STRN3: variants seen among roughly 807,000 people sequenced by gnomAD.
STRN3 encodes the protein striatin 3.
Under a neutral mutation model 95.6 loss-of-function variants are expected in STRN3, and 29 were observed. The ratio of observed to expected loss-of-function variants is 0.30; its 90% confidence interval spans 0.23 to 0.41. The LOEUF is 0.41. Among genes scored for constraint, STRN3 ranks in the 10% least tolerant of loss-of-function variants. The pLI, the probability that STRN3 is intolerant of heterozygous loss-of-function variation, is 1.00. For synonymous variants in STRN3, 331 were observed against 357.6 expected, an observed-to-expected ratio of 0.93 and a Z score of 0.84; for missense variants, 890 against 972.1, an observed-to-expected ratio of 0.92 and a Z score of 1.12.
intron 1 of STRN3, among the ~76,000 whole-genome samples, chr14:30,982,098 CAAA>C (rs11451891): frequency 6.6e-5 from 5 of 75,554 alleles, no homozygotes; most frequent in East Asian, 9.1e-4. Context: ...CTCTGTCTCA[CAAA>C]AAAAAAAAAA....
intron 1 of STRN3, among the ~76,000 whole-genome samples, chr14:31,013,892 T>TATTTGAGACAGAGTGTCATA (rs1883105785): frequency 6.9e-6 from 1 of 145,362 alleles, no homozygotes; most frequent in Non-Finnish European, 1.5e-5. Context: ...TTATTATTAT[T>TATTTGAGACAGAGTGTCATA]ATTATTATTA....
At chr14:30,977,258 G>A (rs1453810228) in intron 1 of STRN3, among the ~76,000 whole-genome samples, 1 of 151,890 alleles carries the variant, frequency 6.6e-6, no homozygotes, top group Non-Finnish European at 1.5e-5. Context: ...AAAAGAGAAA[G>A]ATTTGAAACC....
intron 1 of STRN3, among the ~76,000 whole-genome samples, chr14:30,991,419 ATAAAG>A (rs1425996307): frequency 6.6e-6 from 1 of 152,214 alleles, no homozygotes; most frequent in South Asian, 2.1e-4. Context: ...ACTGTTAAAG[ATAAAG>A]TAAATAGGAC....
At chr14:30,987,488 C>G (rs1343270121) in intron 1 of STRN3, among the ~76,000 whole-genome samples, 1 of 151,550 alleles carries the variant, frequency 6.6e-6, no homozygotes, top group Non-Finnish European at 1.5e-5. Context: ...GCCTGGGTGA[C>G]AGAGCGAGAC....
chr14:30,979,269 T>C (rs1470216386), intron 1 of STRN3, among the ~76,000 whole-genome samples: 2 of 151,978 alleles, frequency 1.3e-5, no homozygotes, highest in Non-Finnish European at 2.9e-5. Flanking sequence ...AAAATCTAAA[T>C]AAAAGGAAAC....
chr14:30,951,051 A>G, intron 3 of STRN3, 107 bp from the exon 4 acceptor site: 2 of 912,386 alleles, frequency 2.2e-6, no homozygotes. Flanking sequence ...CTATTTTATA[A>G]AGGACAGGAA....
At chr14:31,017,514 G>T (rs1364170571) in intron 1 of STRN3, among the ~76,000 whole-genome samples, 1 of 150,784 alleles carries the variant, frequency 6.6e-6, no homozygotes, top group African/African-American at 2.4e-5. Flanking sequence ...AAAAAAAAAA[G>T]TAATCTAGAG....
At chr14:30,922,994 C>A (rs4981801) in intron 8 of STRN3, among the ~76,000 whole-genome samples, 8,808 of 152,156 alleles carry the variant, frequency 0.058, 455 homozygotes, top group East Asian at 0.21. Context: ...AACATAAAAC[C>A]ACATGCCTAG....
intron 16 of STRN3, among the ~76,000 whole-genome samples, chr14:30,902,081 T>A (rs1355949366): frequency 7.1e-6 from 1 of 141,814 alleles, no homozygotes; most frequent in Non-Finnish European, 1.5e-5. Context: ...TGAGGCAGGA[T>A]AATCGCTTGA....
intron 8 of STRN3, among the ~76,000 whole-genome samples, chr14:30,920,386 A>G (rs1896850196): frequency 6.6e-6 from 1 of 152,184 alleles, no homozygotes; most frequent in Non-Finnish European, 1.5e-5. Context: ...AAATTCTCCA[A>G]TAAACAAAAA....
At chr14:30,932,572 G>A (rs573097339) in intron 7 of STRN3, among the ~76,000 whole-genome samples, 1 of 152,286 alleles carries the variant, frequency 6.6e-6, no homozygotes, top group African/African-American at 2.4e-5. Context: ...TCGTCTGGAA[G>A]TAAGGGACCT....
intron 1 of STRN3, among the ~76,000 whole-genome samples, chr14:31,000,668 AC>A (rs1473933414): frequency 6.6e-6 from 1 of 152,146 alleles, no homozygotes; most frequent in African/African-American, 2.4e-5. Context: ...ATAATGTTAC[AC>A]GTCAACCCAT....
chr14:30,978,384 CAATA>C (rs1359867449), intron 1 of STRN3, among the ~76,000 whole-genome samples: 3 of 152,048 alleles, frequency 2.0e-5, no homozygotes, highest in East Asian at 1.9e-4. Context: ...GAAGAAATAT[CAATA>C]GATACAGAAA....
intron 7 of STRN3, among the ~76,000 whole-genome samples, chr14:30,929,967 A>AAAAAAAAAAAAAC (rs1555317337): frequency 0.066 from 5,859 of 88,964 alleles, 765 homozygotes; most frequent in East Asian, 0.096. Context: ...AAAAAAAAAA[A>AAAAAAAAAAAAAC]AAAAAAAAAA....
chr14:30,894,935 C>A lies in STRN3; in HGVS notation c.*476G>T, dbSNP rs1594399043. The A allele has an allele frequency of 6.6e-6, 7 of 1,060,964 alleles. No individual in the cohort carries two copies. Among genetic ancestry groups the A allele is most frequent in the South Asian group, 1.7e-5 (1 of 58,322 alleles). 65.7% of individuals were successfully genotyped at this position (1,060,964 alleles called of 1,614,324 possible). On this transcript the variant is annotated 3_prime_UTR_variant, in exon 18 of 18. Transcript: ENST00000357479. ...AAGCAAAATAAGTTTAAAAGGGAAT[C>A]TGTGGCATTCAACCGATAAACAGAA... is the stretch of plus-strand genomic sequence containing the variant.
intron 1 of STRN3, among the ~76,000 whole-genome samples, chr14:31,022,961 T>A (rs944121984): frequency 1.3e-5 from 2 of 152,194 alleles, no homozygotes; most frequent in African/African-American, 4.8e-5. Context: ...TTACTTGATT[T>A]CTTCATTTTT....
In STRN3 at chr14:30,975,685, T is replaced by C. The variant is rs541171904; in HGVS notation, c.283-19443A>G. On this transcript the variant is annotated intron_variant, in intron 1 of 17. Coordinates refer to ENST00000357479, the MANE Select transcript of STRN3 (RefSeq NM_001083893.2). ...TCTACAAAACTTTTATTTAAAAAATTAGCCAGGTGTGGTGGCACATGCCAA... is the reference window on the plus strand; with the variant it reads ...TCTACAAAACTTTTATTTAAAAAATCAGCCAGGTGTGGTGGCACATGCCAA... Among the ~76,000 whole-genome samples, 94 of 152,046 alleles carry C rather than the reference T, an allele frequency of 6.2e-4. 1 individual carries two copies. Among genetic ancestry groups the C allele is most frequent in the Non-Finnish European group, 2.1e-4 (14 of 67,964 alleles).
intron 3 of STRN3, among the ~76,000 whole-genome samples, chr14:30,953,963 G>A (rs571941078): frequency 1.3e-5 from 2 of 152,192 alleles, no homozygotes; most frequent in South Asian, 4.1e-4. Context: ...AATAGTCATA[G>A]TGTCAAGTCA....
At chr14:30,911,294 A>ATT in intron 12 of STRN3, 132 bp from the exon 13 acceptor site, 20 of 718,626 alleles carry the variant, frequency 2.8e-5, no homozygotes, top group Admixed American at 1.3e-4. Context: ...CCTGACTGGT[A>ATT]CTTTTTTTTT....
Sources: gnomAD v4.1 joint callset for allele counts (sites outside exome capture counted in the v4.1 genomes callset) on GRCh38, gnomAD v4.1.1 for gene constraint, MANE v1.5 for transcripts, NCBI Gene and HGNC (gene_info 2026-07-23, HGNC 2026-07-21) for gene names.